PTPRD: variants seen among roughly 807,000 people sequenced by gnomAD.
PTPRD encodes the protein protein tyrosine phosphatase receptor type D, also known as receptor-type tyrosine-protein phosphatase delta.
A neutral mutation model predicts 214.5 loss-of-function variants in PTPRD; 34 were observed. The observed-to-expected ratio is 0.16, with a 90% CI of 0.12 to 0.21. The LOEUF (loss-of-function observed/expected upper bound fraction) is 0.21, where lower values mean the gene tolerates loss of function less well. Among genes scored for constraint, PTPRD ranks in the 10% least tolerant of loss-of-function variants. PTPRD has a pLI of 1.00. For synonymous variants in PTPRD, 1,128 were observed against 845.7 expected, an observed-to-expected ratio of 1.33 and a Z score of -5.79; for missense variants, 2,545 against 2,398.7, an observed-to-expected ratio of 1.06 and a Z score of -1.27.
intron 3 of PTPRD, 97 bp downstream of exon 3, chr9:10,340,866 T>C (rs757322844): frequency 1.3e-5 from 2 of 151,952 alleles, no homozygotes; most frequent in African/African-American, 4.8e-5. Context: ...CATGGTTTCA[T>C]GTTTTAAATA....
chr9:8,452,217 G>A (rs1590889759), intron 33 of PTPRD, among the ~76,000 whole-genome samples: 2 of 152,158 alleles, frequency 1.3e-5, no homozygotes, highest in Non-Finnish European at 2.9e-5. Context: ...TAGAAAACCA[G>A]CTGCTTAAAT....
intron 11 of PTPRD, among the ~76,000 whole-genome samples, chr9:8,970,365 A>G (rs1321354057): frequency 6.6e-6 from 1 of 151,940 alleles, no homozygotes; most frequent in Non-Finnish European, 1.5e-5. Context: ...TCTCTGTTTA[A>G]AGATGAATAA....
intron 3 of PTPRD, among the ~76,000 whole-genome samples, chr9:10,185,435 A>C (rs969165377): frequency 6.6e-6 from 1 of 152,202 alleles, no homozygotes; most frequent in African/African-American, 2.4e-5. Context: ...GGGAGAAAGA[A>C]AATTAGCATT....
intron 2 of PTPRD, among the ~76,000 whole-genome samples, chr9:10,352,017 C>G (rs932457558): frequency 1.3e-5 from 2 of 151,978 alleles, no homozygotes; most frequent in Non-Finnish European, 2.9e-5. Flanking sequence ...TTTCATTAAG[C>G]TTCATTTTGA....
chr9:9,670,703 G>A (rs1275376683), intron 7 of PTPRD, among the ~76,000 whole-genome samples: 1 of 152,220 alleles, frequency 6.6e-6, no homozygotes, highest in South Asian at 2.1e-4. Flanking sequence ...TAGAGCTCAG[G>A]CTGTGGCTTC....
At chr9:9,576,014 T>C (rs913607850) in intron 7 of PTPRD, among the ~76,000 whole-genome samples, 1 of 152,110 alleles carries the variant, frequency 6.6e-6, no homozygotes, top group African/African-American at 2.4e-5. Context: ...GGTCTACAAG[T>C]AGGTGCTCTA....
At chr9:8,480,555 G>T (rs1052511637) in intron 30 of PTPRD, among the ~76,000 whole-genome samples, 1 of 152,032 alleles carries the variant, frequency 6.6e-6, no homozygotes, top group African/African-American at 2.4e-5. Flanking sequence ...TGACTATTAG[G>T]GTATGTGATC....
chr9:9,088,264 T>G (rs1022844282), intron 10 of PTPRD, among the ~76,000 whole-genome samples: 1 of 151,640 alleles, frequency 6.6e-6, no homozygotes, highest in Non-Finnish European at 1.5e-5. Context: ...TTTTAAAAGC[T>G]GTTAAGGAAG....
At chr9:9,114,798 A>C (rs1174890894) in intron 10 of PTPRD, among the ~76,000 whole-genome samples, 1 of 152,132 alleles carries the variant, frequency 6.6e-6, no homozygotes, top group Non-Finnish European at 1.5e-5. Context: ...AACGGGTCCC[A>C]GTTCGTATGC....
chr9:8,440,928 T>C (rs1039977355), intron 34 of PTPRD, among the ~76,000 whole-genome samples: 2 of 152,218 alleles, frequency 1.3e-5, no homozygotes, highest in Non-Finnish European at 2.9e-5. Context: ...ATGACTTCTC[T>C]ACATAAGCCC....
intron 5 of PTPRD, among the ~76,000 whole-genome samples, chr9:9,909,521 A>C (rs1025162886): frequency 1.3e-5 from 2 of 151,932 alleles, no homozygotes; most frequent in African/African-American, 4.8e-5. Flanking sequence ...TTCTAAATGC[A>C]TTATTGGTTG....
At chr9:10,511,266 T>G (rs1245281174) in intron 2 of PTPRD, among the ~76,000 whole-genome samples, 1 of 152,182 alleles carries the variant, frequency 6.6e-6, no homozygotes, top group Non-Finnish European at 1.5e-5. Flanking sequence ...TGTTTCTAAT[T>G]CTCTCAGATA....
intron 7 of PTPRD, among the ~76,000 whole-genome samples, chr9:9,720,848 T>C (rs2097923390): frequency 1.3e-5 from 2 of 152,098 alleles, no homozygotes; most frequent in Non-Finnish European, 2.9e-5. Flanking sequence ...TGTTGGAACA[T>C]GGATGGAGTG....
At chr9:9,909,142 T>C (rs2078456526) in intron 5 of PTPRD, among the ~76,000 whole-genome samples, 1 of 151,922 alleles carries the variant, frequency 6.6e-6, no homozygotes, top group South Asian at 2.1e-4. Flanking sequence ...TGATTTTTGA[T>C]TGCTGATATA....
intron 22 of PTPRD, among the ~76,000 whole-genome samples, chr9:8,505,803 C>T (rs2097533371): frequency 6.6e-6 from 1 of 151,976 alleles, no homozygotes; most frequent in Non-Finnish European, 1.5e-5. Flanking sequence ...AGTAGCTATG[C>T]CAACATTTAA....
At chr9:9,863,409 C>CCCCCAAGA (rs2153695611) in intron 5 of PTPRD, among the ~76,000 whole-genome samples, 1 of 152,240 alleles carries the variant, frequency 6.6e-6, no homozygotes, top group South Asian at 2.1e-4. Flanking sequence ...TAAGAGTGAG[C>CCCCCAAGA]ATGTTTGGGG....
intron 2 of PTPRD, among the ~76,000 whole-genome samples, chr9:10,516,075 A>T (rs573234112): frequency 6.6e-6 from 1 of 152,050 alleles, no homozygotes; most frequent in African/African-American, 2.4e-5. Context: ...TATTGAAATT[A>T]TTTTGAACAA....
intron 10 of PTPRD, among the ~76,000 whole-genome samples, chr9:9,021,619 G>T (rs1055959565): frequency 2.0e-5 from 3 of 152,056 alleles, no homozygotes; most frequent in Non-Finnish European, 4.4e-5. Flanking sequence ...CGTAGGAGAT[G>T]ACAGCTTCAT....
intron 2 of PTPRD, among the ~76,000 whole-genome samples, chr9:10,548,344 A>ATG (rs1383384672): frequency 6.6e-6 from 1 of 152,092 alleles, no homozygotes; most frequent in Non-Finnish European, 1.5e-5. Flanking sequence ...ACAGAAGGAG[A>ATG]TACTCTCTGC....
Sources: gnomAD v4.1 joint callset for allele counts (sites outside exome capture counted in the v4.1 genomes callset) on GRCh38, gnomAD v4.1.1 for gene constraint, MANE v1.5 for transcripts, NCBI Gene and HGNC (gene_info 2026-07-23, HGNC 2026-07-21) for gene names.